Variants in LIPC observed in about 807,000 individuals in gnomAD.
The protein encoded by LIPC is lipase C, hepatic type.
In LIPC, 44 loss-of-function variants were observed where a neutral mutation model predicts 50.7. The ratio of observed to expected loss-of-function variants is 0.87; its 90% CI spans 0.68 to 1.11. The LOEUF (loss-of-function observed/expected upper bound fraction) is 1.11, where lower values mean the gene tolerates loss of function less well. Among genes scored for constraint, LIPC ranks in the 50% most tolerant of loss-of-function variants. The pLI is 0.00. For synonymous variants in LIPC, 271 were observed against 256.4 expected (o/e 1.06, Z -0.54); for missense variants, 697 against 648.2 (o/e 1.08, Z -0.82).
At chr15:58,535,293 C>T (rs1161941642) in intron 1 of LIPC, among the ~76,000 whole-genome samples, 1 of 152,236 alleles carries the variant, frequency 6.6e-6, no homozygotes, top group Admixed American at 6.5e-5. Flanking sequence ...TAGTACCTAG[C>T]CAGGGGGCCT....
At chr15:58,445,220 C>G (rs1295324678) in intron 1 of LIPC, among the ~76,000 whole-genome samples, 1 of 152,244 alleles carries the variant, frequency 6.6e-6, no homozygotes, top group Non-Finnish European at 1.5e-5. Flanking sequence ...CGCCGTTTAG[C>G]TGGCTCATGT....
At chr15:58,505,496 C>A (rs552556184) in intron 1 of LIPC, among the ~76,000 whole-genome samples, 3 of 152,334 alleles carry the variant, frequency 2.0e-5, no homozygotes, top group East Asian at 3.9e-4. Context: ...GGTGAATGGT[C>A]TGCCAGCTTG....
chr15:58,476,012 A>T (rs115628219), intron 1 of LIPC, among the ~76,000 whole-genome samples: 200 of 152,342 alleles, frequency 1.3e-3, no homozygotes, highest in African/African-American at 4.6e-3. Context: ...CATTTACGGG[A>T]TGGTTCTTAC....
At chr15:58,547,709 C>T (rs1893585824) in intron 5 of LIPC, among the ~76,000 whole-genome samples, 1 of 151,808 alleles carries the variant, frequency 6.6e-6, no homozygotes, top group African/African-American at 2.4e-5. Flanking sequence ...CTGTCCAGAT[C>T]TGGTTACTGG....
chr15:58,459,706 G>A (rs1419384585), intron 1 of LIPC, among the ~76,000 whole-genome samples: 2 of 152,256 alleles, frequency 1.3e-5, no homozygotes, highest in African/African-American at 4.8e-5. Context: ...TCTGCACCGT[G>A]TTCTGGTGGC....
intron 6 of LIPC, among the ~76,000 whole-genome samples, chr15:58,548,821 C>G (rs1174881709): frequency 2.6e-5 from 4 of 152,212 alleles, no homozygotes; most frequent in Non-Finnish European, 4.4e-5. Context: ...GGGTTGGCCT[C>G]TCTGTCCATT....
chr15:58,555,992 C>T (rs899326950), intron 6 of LIPC, among the ~76,000 whole-genome samples: 10 of 152,184 alleles, frequency 6.6e-5, no homozygotes, highest in African/African-American at 2.4e-4. Context: ...CCTAAGGGAT[C>T]CCATCCTGGG....
intron 1 of LIPC, among the ~76,000 whole-genome samples, chr15:58,457,273 C>T (rs1457626407): frequency 1.3e-5 from 2 of 152,186 alleles, no homozygotes; most frequent in African/African-American, 4.8e-5. Context: ...CCACGCCTGG[C>T]TAATTTTTGT....
At chr15:58,559,496 T>C (rs1894075802) in intron 6 of LIPC, among the ~76,000 whole-genome samples, 1 of 152,184 alleles carries the variant, frequency 6.6e-6, no homozygotes. Context: ...GGACATGGCC[T>C]CAGAATCCAT....
At chr15:58,552,631 C>A (rs547603798) in intron 6 of LIPC, among the ~76,000 whole-genome samples, 91 of 152,330 alleles carry the variant, frequency 6.0e-4, no homozygotes, top group Non-Finnish European at 1.1e-3. Context: ...ATGAGAGCAC[C>A]CTTCCTTGCT....
intron 8 of LIPC, chr15:58,564,066 G>A (rs1417060679): frequency 2.7e-6 from 1 of 372,160 alleles, no homozygotes; most frequent in African/African-American, 2.1e-5. Flanking sequence ...GCCAGTCCAA[G>A]GTGCTGTGGT....
At chr15:58,502,117 G>A (rs537532642) in intron 1 of LIPC, among the ~76,000 whole-genome samples, 80 of 152,128 alleles carry the variant, frequency 5.3e-4, no homozygotes, top group Non-Finnish European at 8.1e-4. Flanking sequence ...AGCCTTGCAC[G>A]GAGTTAGTGA....
chr15:58,454,434 A>T (rs1894033968), intron 1 of LIPC: 1 of 152,292 alleles, frequency 6.6e-6, no homozygotes. Flanking sequence ...TGGTACTTCC[A>T]AAGCAGAAAG....
At chr15:58,532,131 G>A (rs76152731) in intron 1 of LIPC, among the ~76,000 whole-genome samples, 1 of 152,316 alleles carries the variant, frequency 6.6e-6, no homozygotes, top group East Asian at 1.9e-4. Context: ...CAGGTGTCCA[G>A]GTCAGGGCAA....
chr15:58,450,901 G>A (rs1254968957), intron 1 of LIPC, among the ~76,000 whole-genome samples: 3 of 152,226 alleles, frequency 2.0e-5, no homozygotes, highest in African/African-American at 7.2e-5. Flanking sequence ...TAAGGACTCT[G>A]GGAGTTTCCT....
In LIPC at chr15:58,432,085, T is replaced by A. The variant is rs201654179; in HGVS notation, c.53T>A (p.Ile18Asn). The A allele has an allele frequency of 6.2e-7, 1 of 1,614,056 alleles. No individual in the cohort carries two copies. The highest frequency in any genetic ancestry group is 2.2e-5 in the East Asian group (1 of 44,882). ...ATTCTGTTGGTTTTATGCATCTTTA[T>A]CCAATCAAGTGCCCTTGGACAAAGC... is the stretch of plus-strand genomic sequence containing the variant. ...FSILLVLCIF[I>N]QSSALGQSLK... is the part of the protein sequence containing the mutation. Residue 18 changes from isoleucine (I) to asparagine (N), a missense_variant, in exon 1 of 9, where the codon ATC (isoleucine) becomes AAC (asparagine). Coordinates refer to ENST00000299022, the MANE Select transcript of LIPC (RefSeq NM_000236.3).
chr15:58,489,651 C>G (rs934417238), intron 1 of LIPC, among the ~76,000 whole-genome samples: 1 of 152,162 alleles, frequency 6.6e-6, no homozygotes, highest in African/African-American at 2.4e-5. Context: ...ATGTTATCTA[C>G]AGAAGCAATT....
At chr15:58,495,653 T>C (rs1466051668) in intron 1 of LIPC, among the ~76,000 whole-genome samples, 1 of 152,230 alleles carries the variant, frequency 6.6e-6, no homozygotes, top group African/African-American at 2.4e-5. Context: ...AAGTAACTTA[T>C]TCAAAGTCAC....
intron 1 of LIPC, among the ~76,000 whole-genome samples, chr15:58,506,568 C>T (rs189832843): frequency 2.0e-5 from 3 of 152,350 alleles, no homozygotes; most frequent in African/African-American, 7.2e-5. Flanking sequence ...AAACCCAGAG[C>T]CCTAGCTTCT....
Sources: gnomAD v4.1 joint callset for allele counts (sites outside exome capture counted in the v4.1 genomes callset) on GRCh38, gnomAD v4.1.1 for gene constraint, MANE v1.5 for transcripts, NCBI Gene and HGNC (gene_info 2026-07-23, HGNC 2026-07-21) for gene names.